Variants in CFAP44 observed in about 807,000 individuals in gnomAD.
The protein encoded by CFAP44 is cilia and flagella associated protein 44.
Under a neutral mutation model 216.2 loss-of-function variants are expected in CFAP44, and 134 were observed. The observed-to-expected ratio is 0.62, with a 90% CI of 0.54 to 0.72. CFAP44 has a LOEUF of 0.72. Ranked by LOEUF, CFAP44 falls within the 30% of genes least tolerant of loss-of-function variation. The probability of loss-of-function intolerance (pLI) is 0.00; values close to 1 mark genes in which losing one functional copy is unlikely to be tolerated. For missense variants in CFAP44, 2,035 were observed against 2,182.1 expected (o/e 0.93, Z 1.34); for synonymous variants, 700 against 727.6 (o/e 0.96, Z 0.61).
intron 1 of CFAP44, chr3:113,434,821 GTTAC>G (rs1428630421): frequency 6.6e-6 from 1 of 152,174 alleles, no homozygotes; most frequent in Non-Finnish European, 1.5e-5. Flanking sequence ...TGCTATGAGG[GTTAC>G]TTAAACTGCC....
At chr3:113,385,465 C>A (rs1933622972) in intron 15 of CFAP44, among the ~76,000 whole-genome samples, 1 of 152,096 alleles carries the variant, frequency 6.6e-6, no homozygotes, top group South Asian at 2.1e-4. Context: ...TTATGATTTT[C>A]TTTCTTTTTT....
In CFAP44 at chr3:113,368,686, C is replaced by T. The variant is rs539767814; in HGVS notation, c.2445-2377G>A. 1.4e-4 allele frequency among the ~76,000 whole-genome samples: 21 copies of T among 152,112 alleles called. No homozygotes were observed. In the South Asian group the frequency reaches 3.5e-3, roughly 26 times the overall value. The stretch of plus-strand genomic sequence containing the variant: ...GCTAGGAAGAAACTGCATCAATTAA[C>T]AGGCAAAATAACCAGCTAACATCCT... On this transcript the variant is annotated intron_variant, in intron 18 of 34. Transcript: ENST00000393845.
intron 28 of CFAP44, among the ~76,000 whole-genome samples, chr3:113,326,154 T>C (rs570169804): frequency 6.6e-6 from 1 of 152,194 alleles, no homozygotes; most frequent in Non-Finnish European, 1.5e-5. Context: ...GATATACATA[T>C]GGCAAATAAA....
In CFAP44 at chr3:113,330,487, T is replaced by C; in HGVS notation, c.3797A>G (p.Glu1266Gly). 6.5e-7 allele frequency: 1 copy of C among 1,537,274 alleles called. No individual in the cohort carries two copies. The highest frequency in any genetic ancestry group is 8.7e-7 in the Non-Finnish European group (1 of 1,146,904). Reference protein sequence around the residue: ...IPQIHPEEVPEKRFQYDEETL... With the variant: ...IPQIHPEEVPGKRFQYDEETL... ...TTCTTCATCATACTGAAATCTCTTTTCTGGAACTTCTTCTGGGTGTATCTG... is the reference window on the plus strand; with the variant it reads ...TTCTTCATCATACTGAAATCTCTTTCCTGGAACTTCTTCTGGGTGTATCTG... Residue 1266 changes from glutamate (E) to glycine (G), a missense_variant, in exon 26 of 35, where the codon GAA (glutamate) becomes GGA (glycine). Glu to Gly is a moderately conservative substitution (Grantham distance 98). Around this residue, in one of 3 missense-constraint regions of CFAP44, gnomAD observed 1,883 missense variants for 2,023.7 expected, o/e 0.93. Coordinates refer to ENST00000393845, the MANE Select transcript of CFAP44 (RefSeq NM_001164496.2).
At chr3:113,350,850 T>C (rs1037495432) in intron 22 of CFAP44, among the ~76,000 whole-genome samples, 4 of 152,202 alleles carry the variant, frequency 2.6e-5, no homozygotes, top group African/African-American at 9.6e-5. Context: ...TCTTGAAGTG[T>C]GGGGCTGGTT....
chr3:113,390,799 G>A (rs980041300), intron 15 of CFAP44, among the ~76,000 whole-genome samples: 6 of 151,908 alleles, frequency 3.9e-5, no homozygotes, highest in African/African-American at 1.4e-4. Context: ...AGAAGTGAAA[G>A]ATTTCTACAA....
intron 2 of CFAP44, chr3:113,429,204 A>T (rs1267230583): frequency 1.3e-5 from 2 of 152,202 alleles, no homozygotes; most frequent in South Asian, 2.1e-4. Context: ...TTATGAAGTA[A>T]CTAGTACTAA....
chr3:113,332,295 T>C (rs1226069557), intron 25 of CFAP44, among the ~76,000 whole-genome samples: 1 of 152,160 alleles, frequency 6.6e-6, no homozygotes, highest in Non-Finnish European at 1.5e-5. Flanking sequence ...GTCCAAATTG[T>C]CCATTTTGAT....
In CFAP44 at chr3:113,291,693, G is replaced by A; in HGVS notation, c.5429C>T (p.Thr1810Ile). 2 of 1,537,106 alleles carry A rather than the reference G, an allele frequency of 1.3e-6. No homozygotes were observed. Among genetic ancestry groups the A allele is most frequent in the Non-Finnish European group, 1.7e-6 (2 of 1,146,988 alleles). ...EADVVAREEVTELIQLQAERI... is the reference protein window; with the variant it reads ...EADVVAREEVIELIQLQAERI... Reference sequence around the variant, plus strand: ...TTCCGCCTGGAGTTGGATCAATTCAGTGACCTCCTCTCTTGCCACAACATC... The same window carrying A: ...TTCCGCCTGGAGTTGGATCAATTCAATGACCTCCTCTCTTGCCACAACATC... Residue 1810 changes from threonine (T) to isoleucine (I), a missense_variant, in exon 35 of 35, where the codon ACT becomes ATT. Physicochemically the swap from Thr to Ile is moderately conservative, Grantham distance 89 (BLOSUM62 -1). Around this residue, in one of 3 missense-constraint regions of CFAP44, gnomAD observed 1,883 missense variants for 2,023.7 expected, o/e 0.93. Transcript: ENST00000393845.
intron 25 of CFAP44, among the ~76,000 whole-genome samples, chr3:113,331,743 CT>C (rs1285555974): frequency 6.6e-6 from 1 of 152,074 alleles, no homozygotes; most frequent in Admixed American, 6.5e-5. Flanking sequence ...TCAACTCTTT[CT>C]TTCTAGTTTT....
chr3:113,399,388 T>C (rs1224841370), intron 13 of CFAP44, among the ~76,000 whole-genome samples: 1 of 152,234 alleles, frequency 6.6e-6, no homozygotes, highest in Non-Finnish European at 1.5e-5. Context: ...AACAACTCCC[T>C]ATCTCAGCCT....
chr3:113,380,298 C>A (rs917859893), intron 16 of CFAP44, among the ~76,000 whole-genome samples: 1 of 152,168 alleles, frequency 6.6e-6, no homozygotes. Context: ...CTTGCAACAT[C>A]CTTCAACAAA....
At chr3:113,307,245 T>A (rs1446304293) in intron 29 of CFAP44, among the ~76,000 whole-genome samples, 1 of 152,232 alleles carries the variant, frequency 6.6e-6, no homozygotes, top group African/African-American at 2.4e-5. Flanking sequence ...AAAGGGAGAT[T>A]CCTGTAAAAT....
intron 22 of CFAP44, among the ~76,000 whole-genome samples, chr3:113,357,509 T>C (rs1457369064): frequency 6.6e-6 from 1 of 152,184 alleles, no homozygotes; most frequent in Non-Finnish European, 1.5e-5. Context: ...CAAAGGTTGC[T>C]GGCAAACCAC....
chr3:113,408,806 T>C (rs1253470320), intron 7 of CFAP44, among the ~76,000 whole-genome samples: 2 of 142,782 alleles, frequency 1.4e-5, no homozygotes, highest in African/African-American at 5.2e-5. Flanking sequence ...GAGGTTGCAG[T>C]GAGCTGAGAT....
At chr3:113,341,700 C>A in intron 24 of CFAP44, 44 bp downstream of exon 24, 1 of 1,400,384 alleles carries the variant, frequency 7.1e-7, no homozygotes. Context: ...TATTTTGGGG[C>A]TCACATATTA....
rs1949803210 is a variant in CFAP44, at chr3:113,289,071, C to G, written c.*2486G>C. 6.6e-6 allele frequency: 1 copy of G among 152,154 alleles called. No homozygotes were observed. Among genetic ancestry groups the G allele is most frequent in the African/African-American group, 2.4e-5 (1 of 41,438 alleles). 9.4% of individuals were successfully genotyped at this position (152,154 alleles called of 1,614,324 possible). On this transcript the variant is annotated 3_prime_UTR_variant, in exon 35 of 35. Transcript: ENST00000393845. ...GCCAGGAGCAGGATAGCTTCCCAGC[C>G]ACCCTGCCCATGCCACACCCTGCTG...
chr3:113,330,666 G>A lies in CFAP44; in HGVS notation c.3618C>T (p.Val1206=), dbSNP rs1168295145. Residue 1206 remains valine, a splice_region_variant and synonymous_variant, in exon 26 of 35, where the codon GTC becomes GTT. Transcript: ENST00000393845. ...TGTTCATGTGCCTTTTATTTCCATG[G>A]ACCTGAAAAAAAGAAGAGGAAGGAA... ...EEELGHLDSL[V]HGNKRHMNKC... is the part of the protein sequence containing the mutation. 1 of 1,523,664 alleles carries A rather than the reference G, an allele frequency of 6.6e-7. No individual in the cohort carries two copies. The highest frequency in any genetic ancestry group is 8.8e-7 in the Non-Finnish European group (1 of 1,142,332). 94.4% of individuals were successfully genotyped at this position (1,523,664 alleles called of 1,614,324 possible). A position where few individuals can be genotyped will look rare whatever the true frequency, so the allele number is the denominator to read the frequency against.
chr3:113,440,451 TC>T (rs1935335695), intron 1 of CFAP44, among the ~76,000 whole-genome samples: 1 of 152,232 alleles, frequency 6.6e-6, no homozygotes. Flanking sequence ...TTACTCTGAA[TC>T]CGTTCCTCTC....
Sources: gnomAD v4.1 joint callset for allele counts (sites outside exome capture counted in the v4.1 genomes callset) on GRCh38, gnomAD v4.1.1 for gene constraint, gnomAD v4.1.1 regional missense constraint, MANE v1.5 for transcripts, NCBI Gene and HGNC (gene_info 2026-07-23, HGNC 2026-07-21) for gene names.